TMEM176B: variants seen among roughly 807,000 people sequenced by gnomAD.
TMEM176B encodes LR8-like protein.
A neutral mutation model predicts 30.3 loss-of-function variants in TMEM176B; 28 were observed. The observed-to-expected ratio is 0.92, with a 90% CI of 0.68 to 1.27. TMEM176B has a LOEUF of 1.27. Among genes scored for constraint, TMEM176B ranks in the 50% most tolerant of loss-of-function variants. The pLI is 0.00. For synonymous variants in TMEM176B, 123 were observed against 130.3 expected (o/e 0.94, Z 0.38); for missense variants, 349 against 327.4 (o/e 1.07, Z -0.51).
chr7:150,792,940 T>C lies in TMEM176B; in HGVS notation c.600+148A>G, dbSNP rs182156971. 3.6e-4 allele frequency: 250 copies of C among 687,138 alleles called. 5 individuals are homozygous for C. The Middle Eastern group carries it at 6.1e-3, about 17-fold the overall frequency. The allele number at this position is 687,138 out of a possible 1,614,324, so 42.6% of individuals were successfully genotyped here. The stretch of plus-strand genomic sequence containing the variant: ...TTCGTGTCATGAGGTCTGAAAAATG[T>C]CTGTAGCTTACATTAAAACCTCCTG... On this transcript the variant is annotated intron_variant, in intron 5 of 6. Coordinates refer to ENST00000326442, the MANE Select transcript of TMEM176B (RefSeq NM_001101312.2).
intron 2 of TMEM176B, among the ~76,000 whole-genome samples, chr7:150,795,187 G>A (rs913441192): frequency 1.3e-5 from 2 of 152,132 alleles, no homozygotes; most frequent in Admixed American, 6.5e-5. Context: ...TCTGAGGCAG[G>A]TTCCTGCTCA....
rs1202155670 is a variant in TMEM176B at position 150,794,107 on chromosome 7, T to A, written c.205-36A>T. On this transcript the variant is annotated intron_variant, in intron 2 of 6. Coordinates refer to ENST00000326442, the MANE Select transcript of TMEM176B (RefSeq NM_001101312.2). ...GGATGAGAAACCAGACCCCTTCCCG[T>A]GAGTCCACATGCCCCGGCTGCCCTG... 2.6e-6 allele frequency: 4 copies of A among 1,552,570 alleles called. No individual in the cohort carries two copies. In the Admixed American group the frequency reaches 5.2e-5, roughly 20 times the overall value.
chr7:150,793,879 A>G, intron 3 of TMEM176B, 82 bp downstream of exon 3: 1 of 1,294,936 alleles, frequency 7.7e-7, no homozygotes, highest in South Asian at 1.4e-5. Context: ...CGCTTCCCCA[A>G]AGCCCCAACC....
At chr7:150,795,253 T>C (rs530623291) in intron 2 of TMEM176B, among the ~76,000 whole-genome samples, 1 of 152,212 alleles carries the variant, frequency 6.6e-6, no homozygotes, top group Non-Finnish European at 1.5e-5. Flanking sequence ...ACTCCTCACC[T>C]GGTCGTTCAA....
chr7:150,797,668 T>A (rs1036023286), intron 1 of TMEM176B, among the ~76,000 whole-genome samples: 1 of 152,234 alleles, frequency 6.6e-6, no homozygotes, highest in Admixed American at 6.5e-5. Context: ...CCAGGTTATT[T>A]ACGCATGAGA....
upstream of TMEM176B, chr7:150,801,022 G>T: frequency 1.0e-6 from 1 of 985,020 alleles, no homozygotes. Context: ...CCTTCACGGG[G>T]CAGGGGCGGC....
intron 1 of TMEM176B, among the ~76,000 whole-genome samples, chr7:150,797,226 G>A (rs912852079): frequency 6.6e-6 from 1 of 152,096 alleles, no homozygotes; most frequent in African/African-American, 2.4e-5. Flanking sequence ...GTGTGAAAAA[G>A]TATTTCTGCC....
In TMEM176B at chr7:150,796,383, C is replaced by G. The variant is rs141592438; in HGVS notation, c.187G>C (p.Glu63Gln). The stretch of plus-strand genomic sequence containing the variant: ...AGTCTTACCCCTAGAGCCAGCTGCT[C>G]ATAACCAATCCTGGCTGTGGAAGGC... ...TVPSTARIGY[E>Q]QLALGVTQIL... The change falls in exon 2 of 7, where the codon GAG (glutamate) becomes CAG (glutamine). Residue 63 changes from glutamate (E) to glutamine (Q), a missense_variant. Glu to Gln is a conservative substitution (Grantham distance 29). Transcript: ENST00000326442. The G allele has an allele frequency of 6.8e-5, 109 of 1,614,092 alleles. No individual in the cohort carries two copies. In the African/African-American group the frequency reaches 1.2e-3, roughly 17 times the overall value.
At chr7:150,797,668 T>C (rs1036023286) in intron 1 of TMEM176B, among the ~76,000 whole-genome samples, 1 of 152,234 alleles carries the variant, frequency 6.6e-6, no homozygotes, top group African/African-American at 2.4e-5. Flanking sequence ...CCAGGTTATT[T>C]ACGCATGAGA....
intron 1 of TMEM176B, chr7:150,799,950 C>T (rs1409025297): frequency 6.6e-6 from 1 of 152,390 alleles, no homozygotes; most frequent in East Asian, 1.9e-4. Flanking sequence ...CCAGCTCTTC[C>T]CGTGCCCCGG....
intron 2 of TMEM176B, among the ~76,000 whole-genome samples, chr7:150,794,322 TTTC>T (rs1798435699): frequency 6.6e-6 from 1 of 151,866 alleles, no homozygotes; most frequent in East Asian, 1.9e-4. Flanking sequence ...ACTTCAACAC[TTTC>T]TCATCCCACC....
chr7:150,799,667 G>A (rs1798683758), intron 1 of TMEM176B, among the ~76,000 whole-genome samples: 1 of 152,244 alleles, frequency 6.6e-6, no homozygotes, highest in South Asian at 2.1e-4. Flanking sequence ...CACGTACAAA[G>A]GAGCTTCAGA....
chr7:150,800,909 C>A (rs917325001), upstream of TMEM176B: 1 of 985,624 alleles, frequency 1.0e-6, no homozygotes, highest in Non-Finnish European at 1.2e-6. Flanking sequence ...GTTGGAGGAG[C>A]GTAGGAGGGA....
chr7:150,799,225 T>C (rs1473707836), intron 1 of TMEM176B, among the ~76,000 whole-genome samples: 1 of 152,250 alleles, frequency 6.6e-6, no homozygotes, highest in Non-Finnish European at 1.5e-5. Flanking sequence ...TTTTTCTCAG[T>C]GATTTAAAAT....
chr7:150,796,417 C>T lies in TMEM176B; in HGVS notation c.153G>A (p.Gly51=), dbSNP rs774183764. 9.3e-6 allele frequency: 15 copies of T among 1,614,188 alleles called. No individual in the cohort carries two copies. The Admixed American group carries it at 2.5e-4, about 27-fold the overall frequency. Reference sequence around the variant, plus strand: ...TCCTGGCTGTGGAAGGCACAGTGTCCCCAGGGTGAAAAAGAAACTTCTTCA... The same window carrying T: ...TCCTGGCTGTGGAAGGCACAGTGTCTCCAGGGTGAAAAAGAAACTTCTTCA... ...GSLKKFLFHP[G]DTVPSTARIG... Residue 51 remains glycine, a synonymous_variant, in exon 2 of 7, where the codon GGG becomes GGA. Coordinates refer to ENST00000326442, the MANE Select transcript of TMEM176B (RefSeq NM_001101312.2).
rs112826919 is a variant in TMEM176B, at chr7:150,795,598, T to G, written c.204+768A>C. On this transcript the variant is annotated intron_variant, in intron 2 of 6. Transcript: ENST00000326442. The stretch of plus-strand genomic sequence containing the variant: ...CTCTCTGTAGCTTGGCCTGAAGTGC[T>G]GAACACATTGCCTTGCACCTGTAGG... Among the ~76,000 whole-genome samples, 1,225 of 152,316 alleles carry G rather than the reference T, an allele frequency of 8.0e-3. 24 individuals carry two copies. The highest frequency in any genetic ancestry group is 0.028 in the African/African-American group (1,144 of 41,558).
chr7:150,798,883 T>C (rs1798639850), intron 1 of TMEM176B, among the ~76,000 whole-genome samples: 1 of 152,230 alleles, frequency 6.6e-6, no homozygotes, highest in South Asian at 2.1e-4. Context: ...CCGTTTGTGA[T>C]ATGAGTTTCA....
upstream of TMEM176B, chr7:150,800,905 G>T: frequency 1.0e-6 from 1 of 985,414 alleles, no homozygotes; most frequent in African/African-American, 1.7e-5. Flanking sequence ...CACAGTTGGA[G>T]GAGCGTAGGA....
At chr7:150,799,382 C>T (rs970520583) in intron 1 of TMEM176B, among the ~76,000 whole-genome samples, 2 of 152,194 alleles carry the variant, frequency 1.3e-5, no homozygotes, top group African/African-American at 4.8e-5. Context: ...TTCATGATCC[C>T]CTCGTGTGGT....
Sources: allele counts gnomAD v4.1 joint callset (sites outside exome capture counted in the v4.1 genomes callset), GRCh38; gene constraint gnomAD v4.1.1; transcripts MANE v1.5; gene names NCBI Gene and HGNC (gene_info 2026-07-23, HGNC 2026-07-21).